Variants in TNFSF4 observed in about 807,000 individuals in gnomAD.
TNFSF4 encodes the protein TNF superfamily member 4.
A neutral mutation model predicts 7.3 loss-of-function variants in TNFSF4; 4 were observed. The ratio of observed to expected loss-of-function variants is 0.55; its 90% CI spans 0.27 to 1.25. The LOEUF (loss-of-function observed/expected upper bound fraction) is 1.25, where lower values mean the gene tolerates loss of function less well. Ranked by LOEUF, TNFSF4 falls within the 50% of genes most tolerant of loss-of-function variation. The pLI, the probability that TNFSF4 is intolerant of heterozygous loss-of-function variation, is 0.12. For synonymous variants in TNFSF4, 76 were observed against 83.7 expected, an observed-to-expected ratio of 0.91 and a Z score of 0.50; for missense variants, 181 against 208.8, an observed-to-expected ratio of 0.87 and a Z score of 0.82.
downstream of TNFSF4, among the ~76,000 whole-genome samples, chr1:173,182,242 A>C (rs200351401): frequency 8.8e-6 from 1 of 113,822 alleles, no homozygotes; most frequent in African/African-American, 6.1e-5. Context: ...CAACTGATAG[A>C]AAAAATAAGG....
chr1:173,368,987 T>C, the TNFSF4 span, among the ~76,000 whole-genome samples: 2 of 152,182 alleles, frequency 1.3e-5, no homozygotes, highest in Non-Finnish European at 2.9e-5. Flanking sequence ...AAGAAAGATA[T>C]AATTATTGCC....
At chr1:173,290,572 A>C in the TNFSF4 span, among the ~76,000 whole-genome samples, 1 of 152,188 alleles carries the variant, frequency 6.6e-6, no homozygotes, top group Non-Finnish European at 1.5e-5. Flanking sequence ...CCCAACATTC[A>C]CACTCCCAGA....
chr1:173,194,726 AT>A (rs1649624573), intron 1 of TNFSF4, among the ~76,000 whole-genome samples: 2 of 152,014 alleles, frequency 1.3e-5, no homozygotes, highest in Admixed American at 1.3e-4. Flanking sequence ...CTACAAAAAA[AT>A]AAAAAAATAA....
At chr1:173,298,119 C>T in the TNFSF4 span, among the ~76,000 whole-genome samples, 1 of 151,904 alleles carries the variant, frequency 6.6e-6, no homozygotes, top group East Asian at 1.9e-4. Context: ...AAAGCAACCA[C>T]GACCACAACA....
the TNFSF4 span, among the ~76,000 whole-genome samples, chr1:173,364,575 T>G: frequency 6.6e-6 from 1 of 152,056 alleles, no homozygotes; most frequent in African/African-American, 2.4e-5. Context: ...GTACTACCTT[T>G]GCAATTTTAA....
At chr1:173,394,216 TAAAAAAAAA>T in the TNFSF4 span, among the ~76,000 whole-genome samples, 1 of 112,622 alleles carries the variant, frequency 8.9e-6, no homozygotes, top group African/African-American at 3.6e-5. Context: ...ACTCCATCTT[TAAAAAAAAA>T]AAAAAAAAAA....
chr1:173,280,255 G>A, the TNFSF4 span, among the ~76,000 whole-genome samples: 1 of 152,064 alleles, frequency 6.6e-6, no homozygotes, highest in Non-Finnish European at 1.5e-5. Context: ...CCTCAAGAGA[G>A]GCTGGATACC....
At chr1:173,227,691 G>C in the TNFSF4 span, among the ~76,000 whole-genome samples, 2 of 152,224 alleles carry the variant, frequency 1.3e-5, no homozygotes, top group Admixed American at 1.3e-4. Flanking sequence ...TCCTACCCAA[G>C]GGAAGCTGTG....
chr1:173,447,683 G>A, the TNFSF4 span, among the ~76,000 whole-genome samples: 4 of 152,026 alleles, frequency 2.6e-5, no homozygotes, highest in Non-Finnish European at 5.9e-5. Flanking sequence ...GAAAAAAAGA[G>A]TCAGCAAACA....
chr1:173,341,841 A>G, the TNFSF4 span, among the ~76,000 whole-genome samples: 3 of 152,100 alleles, frequency 2.0e-5, no homozygotes, highest in African/African-American at 4.8e-5. Context: ...AAGCAACCTT[A>G]CCATTTCCTA....
the TNFSF4 span, among the ~76,000 whole-genome samples, chr1:173,286,440 A>C: frequency 6.6e-6 from 1 of 152,202 alleles, no homozygotes; most frequent in African/African-American, 2.4e-5. Context: ...TAAGCAAGAA[A>C]TATACCTACA....
chr1:173,446,882 T>C, the TNFSF4 span, among the ~76,000 whole-genome samples: 1 of 152,208 alleles, frequency 6.6e-6, no homozygotes, highest in South Asian at 2.1e-4. Context: ...CTGGCTTCCT[T>C]GCTCCTCAGC....
the TNFSF4 span, among the ~76,000 whole-genome samples, chr1:173,218,249 C>T: frequency 6.6e-6 from 1 of 152,156 alleles, no homozygotes; most frequent in Non-Finnish European, 1.5e-5. Context: ...TCTCTCTGAA[C>T]TGTTGTTCTT....
chr1:173,286,565 T>G, the TNFSF4 span, among the ~76,000 whole-genome samples: 2 of 152,176 alleles, frequency 1.3e-5, no homozygotes, highest in Admixed American at 1.3e-4. Context: ...AACTTTAGAC[T>G]CAATCTGTGC....
the TNFSF4 span, among the ~76,000 whole-genome samples, chr1:173,221,728 C>T: frequency 6.6e-6 from 1 of 152,184 alleles, no homozygotes; most frequent in East Asian, 1.9e-4. Context: ...TTCTTTTACT[C>T]ATTTTATAGA....
intron 1 of TNFSF4, among the ~76,000 whole-genome samples, chr1:173,192,664 A>G (rs1649535745): frequency 1.3e-5 from 2 of 152,130 alleles, no homozygotes; most frequent in Admixed American, 1.3e-4. Context: ...ACTTGTCAAA[A>G]CCCACAGAAT....
At chr1:173,348,556 A>C in the TNFSF4 span, among the ~76,000 whole-genome samples, 1 of 152,220 alleles carries the variant, frequency 6.6e-6, no homozygotes, top group African/African-American at 2.4e-5. Context: ...AATAATGATA[A>C]GAACAAAAAT....
the TNFSF4 span, among the ~76,000 whole-genome samples, chr1:173,357,278 C>G: frequency 2.6e-5 from 4 of 152,142 alleles, no homozygotes; most frequent in Admixed American, 6.5e-5. Context: ...CTCATGCCAT[C>G]TGGTAGTGCC....
At chr1:173,302,458 T>C in the TNFSF4 span, among the ~76,000 whole-genome samples, 1 of 152,020 alleles carries the variant, frequency 6.6e-6, no homozygotes, top group African/African-American at 2.4e-5. Flanking sequence ...TTCATCACAC[T>C]CTTTGACCTC....
Sources: gnomAD v4.1 joint callset for allele counts (sites outside exome capture counted in the v4.1 genomes callset) on GRCh38, gnomAD v4.1.1 for gene constraint, MANE v1.5 for transcripts, NCBI Gene and HGNC (gene_info 2026-07-23, HGNC 2026-07-21) for gene names.